Variants in FUBP3 observed in about 807,000 individuals in gnomAD.
FUBP3 encodes far upstream element-binding protein 3.
FUBP3 carries 28 observed loss-of-function variants against 85.6 expected under a neutral mutation model. The ratio of observed to expected loss-of-function variants is 0.33; its 90% confidence interval spans 0.24 to 0.45. FUBP3 has a LOEUF of 0.45. FUBP3 is among the 20% of genes least tolerant of loss of function. The probability of loss-of-function intolerance (pLI) is 1.00; values close to 1 mark genes in which losing one functional copy is unlikely to be tolerated. For missense variants in FUBP3, 583 were observed against 755.1 expected, an observed-to-expected ratio of 0.77 and a Z score of 2.67; for synonymous variants, 271 against 271.4, an observed-to-expected ratio of 1.00 and a Z score of 0.01.
At chr9:130,608,705 T>G (rs1294484796) in intron 2 of FUBP3, among the ~76,000 whole-genome samples, 1 of 152,242 alleles carries the variant, frequency 6.6e-6, no homozygotes, top group Non-Finnish European at 1.5e-5. Context: ...TGTCAATATT[T>G]TGGCTGTAGA....
chr9:130,635,883 G>C lies in FUBP3; in HGVS notation c.1583-116G>C, dbSNP rs1243448180. 1 of 1,084,780 alleles carries C rather than the reference G, an allele frequency of 9.2e-7. No homozygotes were observed. The highest frequency in any genetic ancestry group is 1.6e-5 in the African/African-American group (1 of 63,824). 67.2% of individuals were successfully genotyped at this position (1,084,780 alleles called of 1,614,324 possible). A position where few individuals can be genotyped will look rare whatever the true frequency, so the allele number is the denominator to read the frequency against. On this transcript the variant is annotated intron_variant, in intron 17 of 18. Transcript: ENST00000319725. This position sits in a 1 kb window ranked among gnomAD's most constrained non-coding sequence, Gnocchi z 4.3. ...ACCAGCCTCACCTCACTGCCTCCCA[G>C]ACCTCCCTGCCTTCCAGCCGTCCGG...
At chr9:130,626,822 G>A (rs908157935) in intron 12 of FUBP3, among the ~76,000 whole-genome samples, 11 of 152,172 alleles carry the variant, frequency 7.2e-5, no homozygotes, top group Non-Finnish European at 1.3e-4. Context: ...TTTGTCAATC[G>A]ACTGATTGGT....
intron 2 of FUBP3, among the ~76,000 whole-genome samples, chr9:130,603,873 G>A (rs1350712990): frequency 2.0e-5 from 3 of 152,098 alleles, no homozygotes; most frequent in Non-Finnish European, 2.9e-5. Flanking sequence ...ATGCACTTAC[G>A]CACAGTCCAC....
At chr9:130,617,929 C>T in intron 8 of FUBP3, 34 bp downstream of exon 8, 1 of 997,506 alleles carries the variant, frequency 1.0e-6, no homozygotes, top group African/African-American at 1.6e-5. Flanking sequence ...TGAGTCCTGG[C>T]TGTTGGGGCT....
intron 7 of FUBP3, 42 bp from the exon 8 acceptor site, chr9:130,617,755 C>G: frequency 8.4e-7 from 1 of 1,192,688 alleles, no homozygotes; most frequent in Non-Finnish European, 1.3e-6. Context: ...ATTTCATGCC[C>G]TGCATTATTC....
chr9:130,634,750 GC>G lies in FUBP3; in HGVS notation c.1582+15del, dbSNP rs1178303125. On this transcript the variant is annotated intron_variant, in intron 17 of 18. Transcript: ENST00000319725. ...TTACAAAAAACAGAGTGAGTGCCCG[GC>G]CCTCCTAACCTGTGGCAGCACAGTC... is the stretch of plus-strand genomic sequence containing the variant. The G allele has an allele frequency of 6.2e-7, 1 of 1,606,884 alleles. No homozygotes were observed. Among genetic ancestry groups the G allele is most frequent in the Non-Finnish European group, 8.5e-7 (1 of 1,174,754 alleles).
intron 12 of FUBP3, among the ~76,000 whole-genome samples, chr9:130,628,160 C>A (rs1750629318): frequency 6.6e-6 from 1 of 151,998 alleles, no homozygotes; most frequent in Non-Finnish European, 1.5e-5. Flanking sequence ...TGAGACATCT[C>A]TTTTCCTTGA....
chr9:130,613,138 T>C, intron 5 of FUBP3, 111 bp downstream of exon 5: 1 of 676,502 alleles, frequency 1.5e-6, no homozygotes. Flanking sequence ...GATTAGTGTT[T>C]TCCTTGCACT....
chr9:130,615,026 CA>C (rs1273039824), intron 6 of FUBP3, among the ~76,000 whole-genome samples: 1 of 152,118 alleles, frequency 6.6e-6, no homozygotes, highest in Non-Finnish European at 1.5e-5. Context: ...CATTTGGGGA[CA>C]GGGGTGCTAA....
chr9:130,631,379 G>A, intron 13 of FUBP3, 178 bp from the exon 14 acceptor site: 1 of 1,386,360 alleles, frequency 7.2e-7, no homozygotes, highest in Non-Finnish European at 9.5e-7. Context: ...CTGGAGGGCA[G>A]AAGCCATTTC....
At chr9:130,630,221 C>T (rs563636606) in intron 12 of FUBP3, among the ~76,000 whole-genome samples, 8 of 152,378 alleles carry the variant, frequency 5.3e-5, no homozygotes, top group African/African-American at 1.9e-4. Flanking sequence ...GCGCCCTTGG[C>T]TCACCATTCT....
intron 9 of FUBP3, among the ~76,000 whole-genome samples, chr9:130,622,283 C>T (rs1829784990): frequency 6.7e-6 from 1 of 148,896 alleles, no homozygotes; most frequent in Admixed American, 6.7e-5. Flanking sequence ...CAAGATCGTG[C>T]CACTGCAGGC....
chr9:130,631,909 G>A (rs1588167291), intron 14 of FUBP3, 33 bp from the exon 15 acceptor site: 3 of 1,498,760 alleles, frequency 2.0e-6, no homozygotes, highest in East Asian at 2.3e-5. Context: ...GTTGTGAGGC[G>A]CTCAGTCTGT....
rs763433551 is a variant in FUBP3 at position 130,579,639 on chromosome 9, TCGGCGGCGTCGGCGGCGG to T, written c.-36_-19del. 6.6e-5 allele frequency: 77 copies of T among 1,159,630 alleles called. No individual in the cohort carries two copies. Among genetic ancestry groups the T allele is most frequent in the Middle Eastern group, 3.2e-4 (1 of 3,122 alleles). 71.8% of individuals were successfully genotyped at this position (1,159,630 alleles called of 1,614,324 possible). ...CGGACCGGGGAGCCGAGCGGCGGCGTCGGCGGCGTCGGCGGCGGCGGCGACGGCGGCGGGGGCGGTAAT... is the reference window on the plus strand; with the variant it reads ...CGGACCGGGGAGCCGAGCGGCGGCGTCGGCGACGGCGGCGGGGGCGGTAAT... On this transcript the variant is annotated 5_prime_UTR_variant, in exon 1 of 19. Transcript: ENST00000319725.
chr9:130,609,827 A>G (rs1831649193), intron 2 of FUBP3, 127 bp from the exon 3 acceptor site: 3 of 737,550 alleles, frequency 4.1e-6, no homozygotes, highest in Admixed American at 4.1e-5. Flanking sequence ...CACTGAGCCT[A>G]AATTACTGTT....
At chr9:130,601,214 C>T (rs2119040606) in intron 2 of FUBP3, among the ~76,000 whole-genome samples, 1 of 152,174 alleles carries the variant, frequency 6.6e-6, no homozygotes, top group Admixed American at 6.5e-5. Context: ...TAGAGAGTAC[C>T]CCTCCCCCAG....
chr9:130,587,613 A>G (rs576606929), intron 1 of FUBP3, among the ~76,000 whole-genome samples: 51 of 152,286 alleles, frequency 3.3e-4, no homozygotes, highest in South Asian at 2.9e-3. Flanking sequence ...TGCATTAGGA[A>G]AGTTCTTTAA....
At chr9:130,598,823 C>A (rs1262487077) in intron 2 of FUBP3, among the ~76,000 whole-genome samples, 1 of 152,158 alleles carries the variant, frequency 6.6e-6, no homozygotes, top group Non-Finnish European at 1.5e-5. Context: ...AAAGAATTTT[C>A]CCCCAAAGGC....
intron 7 of FUBP3, among the ~76,000 whole-genome samples, chr9:130,617,165 A>G (rs900557184): frequency 6.6e-6 from 1 of 152,230 alleles, no homozygotes; most frequent in South Asian, 2.1e-4. Flanking sequence ...GCAAAATAGA[A>G]TAATACACTC....
Sources: allele counts gnomAD v4.1 joint callset (sites outside exome capture counted in the v4.1 genomes callset), GRCh38; gene constraint gnomAD v4.1.1; non-coding constraint Gnocchi (gnomAD v3.1); transcripts MANE v1.5; gene names NCBI Gene and HGNC (gene_info 2026-07-23, HGNC 2026-07-21).